RELN: variants seen among roughly 807,000 people sequenced by gnomAD.
RELN encodes the protein reelin.
A neutral mutation model predicts 427.6 loss-of-function variants in RELN; 108 were observed. That is an observed-to-expected ratio of 0.25 (90% CI 0.22 to 0.30). The LOEUF (loss-of-function observed/expected upper bound fraction) is 0.30, where lower values mean the gene tolerates loss of function less well. Among genes scored for constraint, RELN ranks in the 10% least tolerant of loss-of-function variants. The pLI, the probability that RELN is intolerant of heterozygous loss-of-function variation, is 1.00. For synonymous variants in RELN, 1,524 were observed against 1,513.4 expected (o/e 1.01, Z -0.16); for missense variants, 3,715 against 4,302.8 (o/e 0.86, Z 3.82).
At chr7:103,815,285 T>C (rs1792843396) in intron 3 of RELN, among the ~76,000 whole-genome samples, 1 of 152,198 alleles carries the variant, frequency 6.6e-6, no homozygotes, top group African/African-American at 2.4e-5. Flanking sequence ...TTTAAACTTA[T>C]AAGGTTTTAC....
intron 2 of RELN, among the ~76,000 whole-genome samples, chr7:103,834,637 A>T (rs1793356407): frequency 6.6e-6 from 1 of 152,224 alleles, no homozygotes; most frequent in African/African-American, 2.4e-5. Context: ...AATGGCCAAA[A>T]GACCTAAACA....
chr7:103,784,196 T>A (rs573603086), intron 3 of RELN, among the ~76,000 whole-genome samples: 1 of 152,264 alleles, frequency 6.6e-6, no homozygotes, highest in Non-Finnish European at 1.5e-5. Context: ...ATTGGACTGA[T>A]GTATGTATCA....
intron 12 of RELN, among the ~76,000 whole-genome samples, chr7:103,656,637 C>T (rs772414170): frequency 2.6e-5 from 4 of 152,030 alleles, no homozygotes; most frequent in East Asian, 1.9e-4. Flanking sequence ...GTGAGAAAAT[C>T]GCCCAATAAT....
rs1048285361 is a variant in RELN, at chr7:103,989,080, G to C, written c.226+51C>G. 1.3e-6 allele frequency: 2 copies of C among 1,509,356 alleles called. No individual in the cohort carries two copies. The highest frequency in any genetic ancestry group is 2.8e-5 in the African/African-American group (2 of 72,688). The allele number at this position is 1,509,356 out of a possible 1,614,324, so 93.5% of individuals were successfully genotyped here. ...AGAAGGAAAGGGATGAGAAAGGTGC[G>C]CTGGCGGGCGCACCCGGCGGCGGCG... On this transcript the variant is annotated intron_variant, in intron 1 of 64. Transcript: ENST00000428762. This position sits in a 1 kb window ranked among gnomAD's most constrained non-coding sequence, Gnocchi z 4.9.
At position 103,636,397 on chromosome 7, in the gene RELN, C is replaced by T. The variant is rs1439046809; in HGVS notation, c.2141G>A (p.Ser714Asn). 6.2e-7 allele frequency: 1 copy of T among 1,613,996 alleles called. No individual in the cohort carries two copies. Among genetic ancestry groups the T allele is most frequent in the Admixed American group, 1.7e-5 (1 of 60,000 alleles). Residue 714 changes from serine to asparagine, a missense_variant, in exon 18 of 65, where the codon AGC becomes AAC. By Grantham distance (46) the Ser-to-Asn change is conservative. Around this residue, in one of 4 missense-constraint regions of RELN, gnomAD observed 2,208 missense variants for 2,361.7 expected, o/e 0.93. Transcript: ENST00000428762. The part of the protein sequence containing the change: ...SQTFPMFISE[S>N]FGSSRLSSYH... ...AGAGGAGAGCCTGGAACTGCCAAAG[C>T]TTTCAGAAATAAACATTGGGAATGT...
At chr7:103,957,100 G>C (rs370188773) in intron 1 of RELN, among the ~76,000 whole-genome samples, 1 of 152,132 alleles carries the variant, frequency 6.6e-6, no homozygotes, top group Non-Finnish European at 1.5e-5. Flanking sequence ...GAGGGACACC[G>C]GGGTGTTTGC....
chr7:103,506,450 C>T (rs1829214842), intron 51 of RELN, among the ~76,000 whole-genome samples: 1 of 152,134 alleles, frequency 6.6e-6, no homozygotes, highest in Admixed American at 6.5e-5. Context: ...ATTTCATATC[C>T]AGCCAAACTA....
chr7:103,504,814 G>T (rs929211245), intron 51 of RELN, among the ~76,000 whole-genome samples: 7 of 152,218 alleles, frequency 4.6e-5, no homozygotes, highest in South Asian at 4.1e-4. Flanking sequence ...GCCCAGCAAG[G>T]TAAGATTCAC....
intron 22 of RELN, among the ~76,000 whole-genome samples, chr7:103,605,650 G>A (rs1426483039): frequency 6.6e-6 from 1 of 152,198 alleles, no homozygotes; most frequent in East Asian, 1.9e-4. Flanking sequence ...AAATTACTGT[G>A]TATGCTCAGT....
At chr7:103,779,500 C>A (rs1791832028) in intron 3 of RELN, among the ~76,000 whole-genome samples, 1 of 152,106 alleles carries the variant, frequency 6.6e-6, no homozygotes, top group Non-Finnish European at 1.5e-5. Flanking sequence ...AACAGCCCTA[C>A]AAAGTAGATA....
chr7:103,705,045 C>T (rs1217886818), intron 8 of RELN, among the ~76,000 whole-genome samples: 3 of 152,196 alleles, frequency 2.0e-5, no homozygotes, highest in Non-Finnish European at 4.4e-5. Context: ...GCTTCACTGG[C>T]CATTGCTTCT....
At chr7:103,748,469 C>T (rs879658662) in intron 6 of RELN, among the ~76,000 whole-genome samples, 19 of 152,266 alleles carry the variant, frequency 1.2e-4, no homozygotes, top group South Asian at 2.1e-4. Context: ...CTTTGGAACT[C>T]CTCTTCGGAA....
At chr7:103,551,019 A>G (rs769845530) in intron 41 of RELN, 48 bp downstream of exon 41, 2 of 1,485,214 alleles carry the variant, frequency 1.3e-6, no homozygotes, top group East Asian at 4.6e-5. Context: ...CTTCAGGAAT[A>G]AACTGTCAAA....
intron 62 of RELN, 112 bp from the exon 63 acceptor site, chr7:103,483,083 T>C (rs574673021): frequency 1.2e-6 from 1 of 837,954 alleles, no homozygotes; most frequent in East Asian, 2.5e-5. Context: ...CAACAAAATG[T>C]TATGCATGGA....
At chr7:103,971,964 T>C (rs1211256541) in intron 1 of RELN, among the ~76,000 whole-genome samples, 2 of 151,200 alleles carry the variant, frequency 1.3e-5, no homozygotes, top group Non-Finnish European at 3.0e-5. Flanking sequence ...TCTCAGCTAC[T>C]TGGGAGGCTG....
intron 49 of RELN, among the ~76,000 whole-genome samples, chr7:103,517,280 A>C (rs1690208672): frequency 6.6e-6 from 1 of 150,790 alleles, no homozygotes; most frequent in Non-Finnish European, 1.5e-5. Context: ...TTTCTGGGGG[A>C]CACACAATCG....
At chr7:103,972,030 G>A (rs1393164219) in intron 1 of RELN, among the ~76,000 whole-genome samples, 9 of 152,076 alleles carry the variant, frequency 5.9e-5, no homozygotes, top group African/African-American at 1.2e-4. Flanking sequence ...CCAAGATCAC[G>A]CCACTGTACT....
At chr7:103,837,522 C>G (rs1793439595) in intron 2 of RELN, among the ~76,000 whole-genome samples, 1 of 152,222 alleles carries the variant, frequency 6.6e-6, no homozygotes, top group Non-Finnish European at 1.5e-5. Flanking sequence ...TTCTTCTCTA[C>G]TAGGCTAACT....
intron 24 of RELN, among the ~76,000 whole-genome samples, chr7:103,602,350 T>G (rs1831691117): frequency 1.3e-5 from 2 of 152,202 alleles, no homozygotes; most frequent in Non-Finnish European, 2.9e-5. Context: ...CAAAGGATTA[T>G]AAATCATTCT....
Sources: allele counts gnomAD v4.1 joint callset (sites outside exome capture counted in the v4.1 genomes callset), GRCh38; gene constraint gnomAD v4.1.1; regional missense constraint gnomAD v4.1.1; non-coding constraint Gnocchi (gnomAD v3.1); transcripts MANE v1.5; gene names NCBI Gene and HGNC (gene_info 2026-07-23, HGNC 2026-07-21).